Variants in ERC2 observed in about 807,000 individuals in gnomAD.
The protein encoded by ERC2 is ELKS/RAB6-interacting/CAST family member 2.
A neutral mutation model predicts 114.8 loss-of-function variants in ERC2; 42 were observed. The ratio of observed to expected loss-of-function variants is 0.37; its 90% CI spans 0.29 to 0.47. ERC2 has a LOEUF of 0.47. Among genes scored for constraint, ERC2 ranks in the 20% least tolerant of loss-of-function variants. The probability of loss-of-function intolerance (pLI) is 0.99; values close to 1 mark genes in which losing one functional copy is unlikely to be tolerated. For synonymous variants in ERC2, 454 were observed against 425.5 expected, an observed-to-expected ratio of 1.07 and a Z score of -0.82; for missense variants, 939 against 1,150.7, an observed-to-expected ratio of 0.82 and a Z score of 2.66.
chr3:56,428,746 C>A (rs768236226), intron 2 of ERC2, among the ~76,000 whole-genome samples: 13 of 152,138 alleles, frequency 8.5e-5, no homozygotes, highest in Non-Finnish European at 2.9e-5. Flanking sequence ...AGAGTAGATT[C>A]TTTCCTAATG....
chr3:56,223,943 T>C (rs1560411348), intron 3 of ERC2, among the ~76,000 whole-genome samples: 1 of 152,240 alleles, frequency 6.6e-6, no homozygotes, highest in African/African-American at 2.4e-5. Flanking sequence ...GTGAATAATA[T>C]GTAAAGAGAT....
intron 7 of ERC2, among the ~76,000 whole-genome samples, chr3:56,045,558 A>G (rs2075412694): frequency 6.6e-6 from 1 of 152,182 alleles, no homozygotes; most frequent in Non-Finnish European, 1.5e-5. Flanking sequence ...CTTACCTAGC[A>G]TTCTGACGAA....
At chr3:55,715,481 C>T (rs530845677) in intron 15 of ERC2, among the ~76,000 whole-genome samples, 1 of 152,208 alleles carries the variant, frequency 6.6e-6, no homozygotes, top group African/African-American at 2.4e-5. Context: ...ACACACTGAA[C>T]TTGGTAATTA....
At chr3:55,603,389 T>C (rs947242391) in intron 17 of ERC2, among the ~76,000 whole-genome samples, 3 of 152,122 alleles carry the variant, frequency 2.0e-5, no homozygotes, top group African/African-American at 7.2e-5. Context: ...TCCCAGCACT[T>C]TGGGAGGCCG....
rs4594592 is a variant in ERC2 at position 55,783,843 on chromosome 3, C to T, written c.2565-48925G>A. Among the ~76,000 whole-genome samples, 999 of 152,254 alleles carry T rather than the reference C, an allele frequency of 6.6e-3. 11 individuals carry two copies. Among genetic ancestry groups the T allele is most frequent in the African/African-American group, 0.022 (908 of 41,532 alleles). On this transcript the variant is annotated intron_variant, in intron 14 of 17. Transcript: ENST00000288221. ...AAAGCCAAAGGTGGCTTTAAAAGGA[C>T]GGGACAATAACCAAGAAACCAGGGT... is the stretch of plus-strand genomic sequence containing the variant.
chr3:55,873,280 AG>A (rs1225855582), intron 14 of ERC2, among the ~76,000 whole-genome samples: 1 of 152,186 alleles, frequency 6.6e-6, no homozygotes, highest in Non-Finnish European at 1.5e-5. Context: ...AGCCAGAGGC[AG>A]GGTGGTGCCA....
intron 17 of ERC2, among the ~76,000 whole-genome samples, chr3:55,663,804 A>G (rs1194344099): frequency 6.6e-6 from 1 of 152,242 alleles, no homozygotes; most frequent in Non-Finnish European, 1.5e-5. Context: ...TATAAAGCAA[A>G]CATGAGTACC....
chr3:56,154,620 G>T (rs1232449647), intron 4 of ERC2, among the ~76,000 whole-genome samples: 1 of 152,056 alleles, frequency 6.6e-6, no homozygotes, highest in Non-Finnish European at 1.5e-5. Flanking sequence ...ATTTGTTCTT[G>T]TTGTTAATGG....
At chr3:56,350,122 T>C (rs984754907) in intron 2 of ERC2, among the ~76,000 whole-genome samples, 3 of 152,136 alleles carry the variant, frequency 2.0e-5, no homozygotes, top group Non-Finnish European at 2.9e-5. Flanking sequence ...CAAAGCAATA[T>C]CACTGATGCT....
chr3:55,866,604 C>T (rs1196353165), intron 14 of ERC2, among the ~76,000 whole-genome samples: 1 of 151,686 alleles, frequency 6.6e-6, no homozygotes, highest in Admixed American at 6.6e-5. Context: ...TTAACTCTTA[C>T]ATTTAGGTCT....
chr3:56,178,768 T>G (rs959597570), intron 3 of ERC2, among the ~76,000 whole-genome samples: 1 of 151,992 alleles, frequency 6.6e-6, no homozygotes, highest in African/African-American at 2.4e-5. Context: ...AAATTCCAGA[T>G]TCCAGTGGAG....
At chr3:55,767,168 A>G (rs930848567) in intron 14 of ERC2, among the ~76,000 whole-genome samples, 1 of 152,220 alleles carries the variant, frequency 6.6e-6, no homozygotes, top group Non-Finnish European at 1.5e-5. Flanking sequence ...AGAGGTGCTA[A>G]TTCACTAGTC....
intron 1 of ERC2, among the ~76,000 whole-genome samples, chr3:56,466,703 G>A (rs544290152): frequency 6.0e-4 from 92 of 152,252 alleles, no homozygotes; most frequent in Non-Finnish European, 1.2e-3. Flanking sequence ...TTCTATTCAT[G>A]TGACTCCCCA....
intron 3 of ERC2, among the ~76,000 whole-genome samples, chr3:56,236,220 A>T (rs1184887111): frequency 6.6e-6 from 1 of 152,220 alleles, no homozygotes; most frequent in African/African-American, 2.4e-5. Context: ...TGGTCAGCAC[A>T]TAGCTGAGCA....
chr3:56,356,493 C>T (rs1019155382), intron 2 of ERC2, among the ~76,000 whole-genome samples: 1 of 152,170 alleles, frequency 6.6e-6, no homozygotes, highest in African/African-American at 2.4e-5. Context: ...TATACCCTGT[C>T]GTTCATTCAT....
intron 2 of ERC2, among the ~76,000 whole-genome samples, chr3:56,363,470 GT>G (rs2059034324): frequency 6.6e-6 from 1 of 152,146 alleles, no homozygotes; most frequent in Non-Finnish European, 1.5e-5. Context: ...CAAACAAGGT[GT>G]ACATGACTGA....
intron 1 of ERC2, among the ~76,000 whole-genome samples, chr3:56,450,015 T>C (rs1356612826): frequency 6.6e-6 from 1 of 152,242 alleles, no homozygotes; most frequent in African/African-American, 2.4e-5. Context: ...TCCCCCATGA[T>C]CTGCAGGCTA....
intron 14 of ERC2, among the ~76,000 whole-genome samples, chr3:55,760,897 A>G (rs2067385185): frequency 1.3e-5 from 2 of 152,208 alleles, no homozygotes; most frequent in Admixed American, 1.3e-4. Context: ...GAGAGCCTAA[A>G]GGGCATGACA....
chr3:55,772,030 C>G (rs1305568824), intron 14 of ERC2, among the ~76,000 whole-genome samples: 1 of 152,144 alleles, frequency 6.6e-6, no homozygotes, highest in African/African-American at 2.4e-5. Context: ...GCCTCTCCGC[C>G]CATCAGGACT....
Sources: allele counts gnomAD v4.1 joint callset (sites outside exome capture counted in the v4.1 genomes callset), GRCh38; gene constraint gnomAD v4.1.1; transcripts MANE v1.5; gene names NCBI Gene and HGNC (gene_info 2026-07-23, HGNC 2026-07-21).